The following THEMIS variants were observed in gnomAD, a reference collection of about 807,000 sequenced individuals.
THEMIS encodes thymocyte selection associated.
Under a neutral mutation model 52.6 loss-of-function variants are expected in THEMIS, and 37 were observed. The ratio of observed to expected loss-of-function variants is 0.70; its 90% confidence interval spans 0.54 to 0.93. The LOEUF (loss-of-function observed/expected upper bound fraction) is 0.93. THEMIS is among the 40% of genes least tolerant of loss of function. The probability of loss-of-function intolerance (pLI) is 0.00; values close to 1 mark genes in which losing one functional copy is unlikely to be tolerated. For synonymous variants in THEMIS, 292 were observed against 272.7 expected (o/e 1.07, Z -0.70); for missense variants, 808 against 763.1 (o/e 1.06, Z -0.69).
the THEMIS span, among the ~76,000 whole-genome samples, chr6:127,698,629 A>G: frequency 6.6e-6 from 1 of 152,060 alleles, no homozygotes; most frequent in African/African-American, 2.4e-5. Flanking sequence ...ACTCAGATGA[A>G]ACAATCATAC....
intron 1 of THEMIS, among the ~76,000 whole-genome samples, chr6:127,918,267 C>A (rs1000066): frequency 0.076 from 11,547 of 152,174 alleles, 1,258 homozygotes; most frequent in East Asian, 0.37. Context: ...ATCAACTTGA[C>A]CCTGCTGGTA....
intron 1 of THEMIS, among the ~76,000 whole-genome samples, chr6:127,884,239 A>G (rs1240849861): frequency 6.6e-6 from 1 of 152,120 alleles, no homozygotes; most frequent in Non-Finnish European, 1.5e-5. Flanking sequence ...TTGGGACCCA[A>G]GTATTTCTTC....
intron 1 of THEMIS, among the ~76,000 whole-genome samples, chr6:127,886,062 C>T (rs951833023): frequency 2.6e-5 from 4 of 152,094 alleles, no homozygotes; most frequent in African/African-American, 9.7e-5. Context: ...TCCTTCCAGG[C>T]TCATTGGTTT....
intron 4 of THEMIS, among the ~76,000 whole-genome samples, chr6:127,788,961 T>G (rs1356253562): frequency 6.6e-6 from 1 of 151,946 alleles, no homozygotes; most frequent in African/African-American, 2.4e-5. Flanking sequence ...AACATCACAA[T>G]TAAAAGAACT....
the THEMIS span, among the ~76,000 whole-genome samples, chr6:127,700,188 A>G: frequency 0.021 from 3,263 of 151,976 alleles, 116 homozygotes; most frequent in African/African-American, 0.075. Context: ...GGGAGAAGGA[A>G]AACATTAGAG....
At chr6:127,810,640 T>G (rs1243866410) in intron 4 of THEMIS, among the ~76,000 whole-genome samples, 1 of 152,146 alleles carries the variant, frequency 6.6e-6, no homozygotes, top group East Asian at 1.9e-4. Flanking sequence ...AAACAATAAA[T>G]TTCTGTTCTT....
intron 4 of THEMIS, among the ~76,000 whole-genome samples, chr6:127,803,824 G>T (rs1777614182): frequency 6.6e-6 from 1 of 152,128 alleles, no homozygotes; most frequent in Non-Finnish European, 1.5e-5. Flanking sequence ...TTCCTTACCT[G>T]ATCACTTTCC....
At chr6:127,800,625 G>C (rs376444919) in intron 4 of THEMIS, among the ~76,000 whole-genome samples, 1 of 152,200 alleles carries the variant, frequency 6.6e-6, no homozygotes, top group Non-Finnish European at 1.5e-5. Flanking sequence ...GGAGGTTAAC[G>C]TTTGAGTCAG....
intron 4 of THEMIS, among the ~76,000 whole-genome samples, chr6:127,753,144 G>C (rs1288541217): frequency 6.6e-6 from 1 of 151,806 alleles, no homozygotes; most frequent in South Asian, 2.1e-4. Context: ...TCATTAATTA[G>C]GTGTAAAAGG....
chr6:127,908,653 T>C (rs58415226), intron 1 of THEMIS, among the ~76,000 whole-genome samples: 25,148 of 152,080 alleles, frequency 0.17, 2,586 homozygotes, highest in East Asian at 0.38. Context: ...CTTATATTCA[T>C]AAGAGATTTT....
At chr6:127,895,413 A>T (rs910504149) in intron 1 of THEMIS, among the ~76,000 whole-genome samples, 7 of 151,596 alleles carry the variant, frequency 4.6e-5, no homozygotes, top group Non-Finnish European at 1.0e-4. Flanking sequence ...AATAAAAAAT[A>T]TAAACTATTA....
At chr6:127,911,232 G>A (rs1458037822) in intron 1 of THEMIS, among the ~76,000 whole-genome samples, 1 of 151,218 alleles carries the variant, frequency 6.6e-6, no homozygotes, top group African/African-American at 2.5e-5. Flanking sequence ...ATGAAAACAA[G>A]TCATTAAGTG....
At chr6:127,783,619 A>G (rs975627227) in intron 4 of THEMIS, among the ~76,000 whole-genome samples, 4 of 152,246 alleles carry the variant, frequency 2.6e-5, no homozygotes, top group Admixed American at 2.0e-4. Context: ...ATGCAGCCAA[A>G]AAAACATATG....
intron 4 of THEMIS, among the ~76,000 whole-genome samples, chr6:127,773,331 A>C (rs952623530): frequency 6.6e-6 from 1 of 152,244 alleles, no homozygotes; most frequent in African/African-American, 2.4e-5. Context: ...CATGGCTAAT[A>C]TGCCAAATTC....
intron 3 of THEMIS, among the ~76,000 whole-genome samples, chr6:127,817,604 G>T (rs1276651818): frequency 1.3e-5 from 2 of 152,008 alleles, no homozygotes; most frequent in East Asian, 3.9e-4. Context: ...TTCAATACAA[G>T]GAAATAGCAG....
At chr6:127,731,478 T>A (rs995314583) in intron 4 of THEMIS, among the ~76,000 whole-genome samples, 2 of 152,108 alleles carry the variant, frequency 1.3e-5, no homozygotes, top group African/African-American at 4.8e-5. Context: ...AGCTAACATT[T>A]ATTTTGTGCT....
At chr6:127,901,972 T>C (rs534883233), upstream of THEMIS, among the ~76,000 whole-genome samples, 43 of 152,134 alleles carry the variant, frequency 2.8e-4, no homozygotes, top group Middle Eastern at 3.4e-3. Flanking sequence ...TGAAACAATA[T>C]TTAAAATATA....
At chr6:127,888,042 G>A (rs753834042) in intron 1 of THEMIS, among the ~76,000 whole-genome samples, 80 of 152,182 alleles carry the variant, frequency 5.3e-4, no homozygotes, top group Admixed American at 1.0e-3. Flanking sequence ...GGTAAACCTC[G>A]TAGAGAAGGG....
intron 1 of THEMIS, among the ~76,000 whole-genome samples, chr6:127,907,456 G>A (rs1781304227): frequency 6.9e-6 from 1 of 145,110 alleles, no homozygotes; most frequent in Admixed American, 7.2e-5. Context: ...CAATGGAAGA[G>A]ACTACCTTCT....
Sources: allele counts gnomAD v4.1 joint callset (sites outside exome capture counted in the v4.1 genomes callset), GRCh38; gene constraint gnomAD v4.1.1; transcripts MANE v1.5; gene names NCBI Gene and HGNC (gene_info 2026-07-23, HGNC 2026-07-21).